ADD1: variants seen among roughly 807,000 people sequenced by gnomAD.
ADD1 encodes the protein adducin 1.
In ADD1, 24 loss-of-function variants were observed where a neutral mutation model predicts 80.5. The observed-to-expected ratio is 0.30, with a 90% CI of 0.22 to 0.42. The LOEUF (loss-of-function observed/expected upper bound fraction) is 0.42. Among genes scored for constraint, ADD1 ranks in the 10% least tolerant of loss-of-function variants. The pLI is 1.00. For synonymous variants in ADD1, 373 were observed against 393.8 expected, an observed-to-expected ratio of 0.95 and a Z score of 0.63; for missense variants, 948 against 1,019.0, an observed-to-expected ratio of 0.93 and a Z score of 0.95.
chr4:2,880,069 A>G (rs1049644297), intron 2 of ADD1, among the ~76,000 whole-genome samples: 1 of 152,144 alleles, frequency 6.6e-6, no homozygotes, highest in African/African-American at 2.4e-5. Context: ...TGCTTTGATG[A>G]CAAAGATGGC....
chr4:2,927,201 AC>A (rs1711891376), intron 15 of ADD1, among the ~76,000 whole-genome samples: 1 of 152,192 alleles, frequency 6.6e-6, no homozygotes, highest in Non-Finnish European at 1.5e-5. Flanking sequence ...CATCAGCCAC[AC>A]CATGCCCAGC....
At chr4:2,860,938 G>A (rs1213871708) in intron 1 of ADD1, among the ~76,000 whole-genome samples, 1 of 152,166 alleles carries the variant, frequency 6.6e-6, no homozygotes, top group Non-Finnish European at 1.5e-5. Context: ...TACTTTGAAG[G>A]GTAAGAAAAC....
At chr4:2,917,936 T>C (rs2109150578) in intron 14 of ADD1, among the ~76,000 whole-genome samples, 1 of 152,340 alleles carries the variant, frequency 6.6e-6, no homozygotes, top group South Asian at 2.1e-4. Context: ...CCTTGTAGTA[T>C]AGTTTGAAGT....
chr4:2,894,142 G>T, intron 5 of ADD1, 49 bp downstream of exon 5: 2 of 1,436,796 alleles, frequency 1.4e-6, no homozygotes, highest in Non-Finnish European at 2.0e-6. Flanking sequence ...GTCATGTTAG[G>T]TCATTCAACA....
Position 2,904,769 on chromosome 4 carries a change from C to T in ADD1, c.1167C>T (p.Tyr389=), listed in dbSNP as rs746035251. 1.2e-5 allele frequency: 19 copies of T among 1,612,688 alleles called. No homozygotes were observed. The East Asian group carries it at 3.3e-4, about 28-fold the overall frequency. ...TCACTCTCCTTGGACCCTAGGGCTA[C>T]AGAACTGGCTACCCTTATCGATACC... ...ALMRMLDNLG[Y]RTGYPYRYPA... Residue 389 remains tyrosine, a synonymous_variant, in exon 10 of 16, where the codon TAC becomes TAT. Coordinates refer to ENST00000683351, the MANE Select transcript of ADD1 (RefSeq NM_001354761.2).
intron 1 of ADD1, 53 bp downstream of exon 1, chr4:2,844,077 C>T (rs1725788061): frequency 7.2e-6 from 1 of 138,242 alleles, no homozygotes; most frequent in East Asian, 2.2e-4. Flanking sequence ...GAGGCGGCGG[C>T]GGGGGCGCGG....
rs755152280 is a variant in ADD1, at chr4:2,926,555, TTTC to T, written c.2047+451_2047+453del. On this transcript the variant is annotated intron_variant, in intron 15 of 15. Coordinates refer to ENST00000683351, the MANE Select transcript of ADD1 (RefSeq NM_001354761.2). This position sits in a 1 kb window ranked among gnomAD's most constrained non-coding sequence, Gnocchi z 5.0. ...CTCTCGTGAAGCCCGTGGCCCTGCCTTTCTTCTTCTGTAACCTGATGGCTGTGA... is the reference window on the plus strand; with the variant it reads ...CTCTCGTGAAGCCCGTGGCCCTGCCTTTCTTCTGTAACCTGATGGCTGTGA... 117 of 1,499,354 alleles carry T rather than the reference TTTC, an allele frequency of 7.8e-5. No homozygotes were observed. Among genetic ancestry groups the T allele is most frequent in the Non-Finnish European group, 1.0e-4 (113 of 1,088,168 alleles). 92.9% of individuals were successfully genotyped at this position (1,499,354 alleles called of 1,614,324 possible).
At chr4:2,904,690 A>T (rs1577657017) in intron 9 of ADD1, 74 bp from the exon 10 acceptor site, 3 of 1,388,102 alleles carry the variant, frequency 2.2e-6, no homozygotes, top group African/African-American at 1.4e-5. Flanking sequence ...GGATGTTTCC[A>T]CATGATTTTC....
intron 1 of ADD1, among the ~76,000 whole-genome samples, chr4:2,849,573 G>C (rs1287262427): frequency 6.6e-6 from 1 of 152,146 alleles, no homozygotes; most frequent in African/African-American, 2.4e-5. Flanking sequence ...TGTTTGCATG[G>C]GGAGGAGAAA....
In ADD1 at chr4:2,881,973, T is replaced by TGTG. The variant is rs1379508003; in HGVS notation, c.271_272insGTG (p.Leu91delinsCysVal). On this transcript the variant is annotated protein_altering_variant, in exon 3 of 16. Coordinates refer to ENST00000683351, the MANE Select transcript of ADD1 (RefSeq NM_001354761.2). ...GAAGAACCCCACAGGCCTATTGGCATTACAGCAGATTGCAGATTTTATGAC... is the reference window on the plus strand; with the variant it reads ...GAAGAACCCCACAGGCCTATTGGCATGTGTACAGCAGATTGCAGATTTTATGAC... 6.2e-7 allele frequency: 1 copy of TGTG among 1,613,464 alleles called. No individual in the cohort carries two copies. The highest frequency in any genetic ancestry group is 1.7e-5 in the Admixed American group (1 of 59,834).
At chr4:2,863,794 C>A (rs1480755987) in intron 1 of ADD1, among the ~76,000 whole-genome samples, 1 of 151,730 alleles carries the variant, frequency 6.6e-6, no homozygotes, top group African/African-American at 2.4e-5. Flanking sequence ...GTCTCAAACT[C>A]CTGGGCTGAA....
At position 2,904,856 on chromosome 4, in the gene ADD1, T is replaced by C; in HGVS notation, c.1254T>C (p.Gly418=). ...SDVEVPASVT[G]YSFASDGDSG... is the part of the protein sequence containing the mutation. ...TGGAGGTTCCTGCTAGTGTCACAGGTTACTCCTTTGCTAGTGACGGTGATT... is the reference window on the plus strand; with the variant it reads ...TGGAGGTTCCTGCTAGTGTCACAGGCTACTCCTTTGCTAGTGACGGTGATT... The change falls in exon 10 of 16, where the codon GGT becomes GGC. Residue 418 remains glycine (G), a synonymous_variant. Transcript: ENST00000683351. The C allele has an allele frequency of 6.2e-7, 1 of 1,614,124 alleles. No homozygotes were observed. The highest frequency in any genetic ancestry group is 8.5e-7 in the Non-Finnish European group (1 of 1,180,012).
At chr4:2,881,021 A>T (rs1050326121) in intron 2 of ADD1, among the ~76,000 whole-genome samples, 3 of 151,636 alleles carry the variant, frequency 2.0e-5, no homozygotes, top group African/African-American at 7.3e-5. Flanking sequence ...ATGAAAAATT[A>T]CTAATAATCC....
At chr4:2,896,626 A>G (rs919779773) in intron 6 of ADD1, among the ~76,000 whole-genome samples, 1 of 152,024 alleles carries the variant, frequency 6.6e-6, no homozygotes, top group Non-Finnish European at 1.5e-5. Flanking sequence ...TAGATACATC[A>G]TTGTGTGAAT....
chr4:2,858,985 A>T (rs1728465852), intron 1 of ADD1, among the ~76,000 whole-genome samples: 2 of 152,216 alleles, frequency 1.3e-5, no homozygotes, highest in Admixed American at 1.3e-4. Context: ...AGAAGACAAT[A>T]AGCCTATGAA....
intron 1 of ADD1, among the ~76,000 whole-genome samples, chr4:2,846,490 T>C (rs1726215484): frequency 6.6e-6 from 1 of 152,238 alleles, no homozygotes; most frequent in African/African-American, 2.4e-5. Flanking sequence ...AAGCATTGAA[T>C]ATATTGATAT....
chr4:2,875,431 C>T (rs1474361973), intron 1 of ADD1, among the ~76,000 whole-genome samples: 1 of 152,106 alleles, frequency 6.6e-6, no homozygotes, highest in East Asian at 1.9e-4. Flanking sequence ...GGCTTCTCTT[C>T]TGTTGATCTG....
Position 2,882,005 on chromosome 4 carries a change from T to C in ADD1, c.303T>C (p.Asn101=). The C allele has an allele frequency of 2.5e-6, 4 of 1,613,276 alleles. No homozygotes were observed. Among genetic ancestry groups the C allele is most frequent in the South Asian group, 2.2e-5 (2 of 90,818 alleles). ...AGATTGCAGATTTTATGACCACGAATGTACCAAATGTCTACCCAGCAGCTC... is the reference window on the plus strand; with the variant it reads ...AGATTGCAGATTTTATGACCACGAACGTACCAAATGTCTACCCAGCAGCTC... ...LQQIADFMTT[N]VPNVYPAAPQ... is the part of the protein sequence containing the mutation. Residue 101 remains asparagine (N), a synonymous_variant, in exon 3 of 16, where the codon AAT becomes AAC. Coordinates refer to ENST00000683351, the MANE Select transcript of ADD1 (RefSeq NM_001354761.2).
rs754215151 is a variant in ADD1 at position 2,915,052 on chromosome 4, T to A, written c.1948+12T>A. The A allele has an allele frequency of 1.4e-5, 22 of 1,605,574 alleles. No individual in the cohort carries two copies. In the Admixed American group the frequency reaches 2.9e-4, roughly 21 times the overall value. On this transcript the variant is annotated intron_variant, in intron 14 of 15. Transcript: ENST00000683351. ...GAAGGGCTCTGAAGGTGAGTGCTTG[T>A]GGTCCTGGGCACGGCCACTCCAGAA...
Sources: allele counts gnomAD v4.1 joint callset (sites outside exome capture counted in the v4.1 genomes callset), GRCh38; gene constraint gnomAD v4.1.1; non-coding constraint Gnocchi (gnomAD v3.1); transcripts MANE v1.5; gene names NCBI Gene and HGNC (gene_info 2026-07-23, HGNC 2026-07-21).